ARHGAP10: variants seen among roughly 807,000 people sequenced by gnomAD.
ARHGAP10 encodes rho GTPase-activating protein 10.
Under a neutral mutation model 108.6 loss-of-function variants are expected in ARHGAP10, and 87 were observed. That is an observed-to-expected ratio of 0.80 (90% confidence interval 0.67 to 0.96). The LOEUF is 0.96. Among genes scored for constraint, ARHGAP10 ranks in the 40% least tolerant of loss-of-function variants. The pLI is 0.00. For missense variants in ARHGAP10, 939 were observed against 954.5 expected, an observed-to-expected ratio of 0.98 and a Z score of 0.21; for synonymous variants, 347 against 341.1, an observed-to-expected ratio of 1.02 and a Z score of -0.19.
intron 19 of ARHGAP10, among the ~76,000 whole-genome samples, chr4:148,045,241 C>T (rs985890210): frequency 6.6e-6 from 1 of 152,186 alleles, no homozygotes; most frequent in South Asian, 2.1e-4. Context: ...TTCCAGCCAT[C>T]ACCACCATCT....
intron 19 of ARHGAP10, among the ~76,000 whole-genome samples, chr4:148,045,397 C>T (rs1025243085): frequency 6.6e-6 from 1 of 152,070 alleles, no homozygotes; most frequent in Non-Finnish European, 1.5e-5. Flanking sequence ...GTCTGGGGAG[C>T]TAGCTTAATC....
intron 15 of ARHGAP10, among the ~76,000 whole-genome samples, chr4:147,950,856 T>A (rs1029564954): frequency 5.3e-5 from 8 of 152,202 alleles, no homozygotes; most frequent in African/African-American, 1.9e-4. Flanking sequence ...TTGTGATGTT[T>A]CTAGTCAAAT....
intron 1 of ARHGAP10, among the ~76,000 whole-genome samples, chr4:147,791,635 A>G (rs542415638): frequency 1.6e-3 from 242 of 152,022 alleles, no homozygotes; most frequent in Middle Eastern, 6.8e-3. Context: ...CCCAGGCTGG[A>G]GTACAGTGGT....
intron 19 of ARHGAP10, among the ~76,000 whole-genome samples, chr4:148,027,653 A>T (rs1313991659): frequency 1.3e-5 from 2 of 152,202 alleles, no homozygotes; most frequent in Non-Finnish European, 2.9e-5. Context: ...TCATATATAG[A>T]TGTCCTTTCA....
At chr4:147,886,132 C>A (rs72957767) in intron 10 of ARHGAP10, among the ~76,000 whole-genome samples, 2 of 152,126 alleles carry the variant, frequency 1.3e-5, no homozygotes, top group Non-Finnish European at 2.9e-5. Flanking sequence ...TCCCAAGATA[C>A]CTCATTTCGT....
At chr4:147,783,121 A>T (rs941510612) in intron 1 of ARHGAP10, among the ~76,000 whole-genome samples, 3 of 143,192 alleles carry the variant, frequency 2.1e-5, no homozygotes, top group Non-Finnish European at 4.5e-5. Flanking sequence ...TAAATTATAT[A>T]TTATATAATT....
chr4:147,904,222 C>A (rs1052364011), intron 10 of ARHGAP10, among the ~76,000 whole-genome samples: 1 of 151,720 alleles, frequency 6.6e-6, no homozygotes, highest in Non-Finnish European at 1.5e-5. Flanking sequence ...TCTTTTCTTT[C>A]TTTCTTTCTT....
chr4:147,982,321 G>A (rs768464784), intron 18 of ARHGAP10, among the ~76,000 whole-genome samples: 3 of 149,926 alleles, frequency 2.0e-5, no homozygotes, highest in East Asian at 1.9e-4. Flanking sequence ...GGACTCGGTC[G>A]TCTTGTATCT....
intron 18 of ARHGAP10, among the ~76,000 whole-genome samples, chr4:148,021,650 G>T (rs954015869): frequency 2.0e-5 from 3 of 151,982 alleles, no homozygotes; most frequent in African/African-American, 7.3e-5. Flanking sequence ...CAATTTAACT[G>T]CTCTCCTGTT....
rs777576506 is a variant in ARHGAP10, at chr4:148,064,465, A to G, written c.2230A>G (p.Ser744Gly). 2 of 1,614,184 alleles carry G rather than the reference A, an allele frequency of 1.2e-6. No homozygotes were observed. The highest frequency in any genetic ancestry group is 4.5e-5 in the East Asian group (2 of 44,872). Residue 744 changes from serine (S) to glycine (G), a missense_variant, in exon 22 of 23, where the codon AGC becomes GGC. Ser to Gly is a moderately conservative substitution (Grantham distance 56). Transcript: ENST00000336498. Reference sequence around the variant, plus strand: ...CGTGTATCCGTGTGAAGCAGAACACAGCTCGGAATTATCTTTTGAAATAGG... The same window carrying G: ...CGTGTATCCGTGTGAAGCAGAACACGGCTCGGAATTATCTTTTGAAATAGG... ...RAVYPCEAEH[S>G]SELSFEIGAI...
At chr4:147,770,207 A>C (rs1426489508) in intron 1 of ARHGAP10, among the ~76,000 whole-genome samples, 1 of 152,200 alleles carries the variant, frequency 6.6e-6, no homozygotes, top group Non-Finnish European at 1.5e-5. Flanking sequence ...ACTTGCTGAT[A>C]CAGTAGTATT....
chr4:148,063,409 C>T, intron 21 of ARHGAP10, 109 bp downstream of exon 21: 1 of 1,420,656 alleles, frequency 7.0e-7, no homozygotes, highest in Admixed American at 2.1e-5. Context: ...GCCCAGATAC[C>T]CCCAGCATCC....
At chr4:147,883,808 C>T (rs1201325920) in intron 10 of ARHGAP10, among the ~76,000 whole-genome samples, 1 of 152,046 alleles carries the variant, frequency 6.6e-6, no homozygotes, top group Non-Finnish European at 1.5e-5. Flanking sequence ...GATTCTTCTG[C>T]CTCAGCCTCC....
At chr4:147,783,935 A>G (rs986613760) in intron 1 of ARHGAP10, among the ~76,000 whole-genome samples, 2 of 127,134 alleles carry the variant, frequency 1.6e-5, no homozygotes, top group Non-Finnish European at 3.2e-5. Context: ...TATTATATTT[A>G]TATAACACAC....
chr4:147,909,886 TAGAC>T (rs1736665165), intron 12 of ARHGAP10, 109 bp downstream of exon 12: 1 of 1,025,792 alleles, frequency 9.7e-7, no homozygotes, highest in African/African-American at 1.6e-5. Flanking sequence ...CACCCTCTAT[TAGAC>T]AGAGGGGTAT....
At chr4:147,793,787 C>G (rs1233514900) in intron 1 of ARHGAP10, among the ~76,000 whole-genome samples, 2 of 152,178 alleles carry the variant, frequency 1.3e-5, no homozygotes, top group African/African-American at 4.8e-5. Flanking sequence ...GTGCCTTCCC[C>G]CTTAACAGTA....
intron 18 of ARHGAP10, among the ~76,000 whole-genome samples, chr4:147,981,137 C>A (rs557845432): frequency 1.6e-4 from 24 of 152,114 alleles, no homozygotes. Flanking sequence ...TTTCTGGTTT[C>A]TTTAGGTACA....
chr4:147,831,216 T>C (rs1168583865), intron 3 of ARHGAP10, among the ~76,000 whole-genome samples: 1 of 152,242 alleles, frequency 6.6e-6, no homozygotes, highest in Non-Finnish European at 1.5e-5. Context: ...ACACTCTAAA[T>C]TGTTTCGTGA....
At chr4:148,052,413 G>C (rs1342454452) in intron 20 of ARHGAP10, among the ~76,000 whole-genome samples, 1 of 17,310 alleles carries the variant, frequency 5.8e-5, no homozygotes, top group South Asian at 1.9e-3. Flanking sequence ...TTTTTTTTTT[G>C]GGCTAATTGA....
Sources: allele counts gnomAD v4.1 joint callset (sites outside exome capture counted in the v4.1 genomes callset), GRCh38; gene constraint gnomAD v4.1.1; transcripts MANE v1.5; gene names NCBI Gene and HGNC (gene_info 2026-07-23, HGNC 2026-07-21).